CHD9: variants seen among roughly 807,000 people sequenced by gnomAD.
CHD9 encodes the protein ATP-dependent chromatin remodeler CHD9.
A neutral mutation model predicts 316.1 loss-of-function variants in CHD9; 77 were observed. The ratio of observed to expected loss-of-function variants is 0.24; its 90% CI spans 0.20 to 0.29. CHD9 has a LOEUF of 0.29. Ranked by LOEUF, CHD9 falls within the 10% of genes least tolerant of loss-of-function variation. The pLI is 1.00. For missense variants in CHD9, 2,763 were observed against 3,438.1 expected, an observed-to-expected ratio of 0.80 and a Z score of 4.91; for synonymous variants, 1,129 against 1,158.3, an observed-to-expected ratio of 0.97 and a Z score of 0.51.
At chr16:53,293,083 T>G in intron 29 of CHD9, 31 bp downstream of exon 29, 1 of 1,530,154 alleles carries the variant, frequency 6.5e-7, no homozygotes, top group Non-Finnish European at 8.9e-7. Context: ...TTTTAATGTA[T>G]TGTCTAAATG....
At chr16:53,274,915 C>T (rs1400128864) in intron 24 of CHD9, among the ~76,000 whole-genome samples, 1 of 152,116 alleles carries the variant, frequency 6.6e-6, no homozygotes, top group Non-Finnish European at 1.5e-5. Context: ...TTTTATTGCT[C>T]TCATCTTGGC....
chr16:53,179,604 A>G (rs1046671708), intron 2 of CHD9, among the ~76,000 whole-genome samples: 1 of 152,264 alleles, frequency 6.6e-6, no homozygotes, highest in African/African-American at 2.4e-5. Flanking sequence ...TTAAAAAATT[A>G]ATAATTAAGC....
intron 1 of CHD9, among the ~76,000 whole-genome samples, chr16:53,062,975 G>C (rs1310760838): frequency 5.3e-5 from 8 of 152,014 alleles, no homozygotes; most frequent in Non-Finnish European, 1.2e-4. Flanking sequence ...AGCCAAGATC[G>C]CGCCATTGCA....
In CHD9 at chr16:53,122,403, A is replaced by G. The variant is rs534839252; in HGVS notation, c.-164-33523A>G. Among the ~76,000 whole-genome samples, 9 of 152,332 alleles carry G rather than the reference A, an allele frequency of 5.9e-5. No individual in the cohort carries two copies. In the South Asian group the frequency reaches 1.9e-3, roughly 32 times the overall value. On this transcript the variant is annotated intron_variant, in intron 1 of 38. Transcript: ENST00000447540. The stretch of plus-strand genomic sequence containing the variant: ...CTACAACAATCTTCAAACTTTAAAA[A>G]TTATTTACTGCGGAACTAATTTTAT...
chr16:53,285,495 C>A, intron 24 of CHD9, 101 bp from the exon 25 acceptor site: 1 of 476,056 alleles, frequency 2.1e-6, no homozygotes, highest in Non-Finnish European at 3.7e-6. Context: ...ATCCTAAGCT[C>A]TCTCTTGAAA....
At chr16:53,206,696 C>T (rs2045922115) in intron 2 of CHD9, among the ~76,000 whole-genome samples, 1 of 152,130 alleles carries the variant, frequency 6.6e-6, no homozygotes, top group Non-Finnish European at 1.5e-5. Flanking sequence ...GTGCCTGGTA[C>T]ATAGTAAGCA....
At position 53,242,852 on chromosome 16, in the gene CHD9, C is replaced by G. The variant is rs769740984; in HGVS notation, c.2890C>G (p.Arg964Gly). 3 of 1,612,494 alleles carry G rather than the reference C, an allele frequency of 1.9e-6. No individual in the cohort carries two copies. The highest frequency in any genetic ancestry group is 2.2e-5 in the South Asian group (2 of 90,922). Residue 964 changes from arginine (R) to glycine (G), a missense_variant, in exon 13 of 39, where the codon CGA becomes GGA. This residue lies in a region of CHD9 where 186 missense variants were observed against 245.0 expected (regional missense o/e 0.76). Coordinates refer to ENST00000447540, the MANE Select transcript of CHD9 (RefSeq NM_001308319.2). ...TGATCATTTCTAGGGGCGTATCATT[C>G]GAGGAGCTTACAGATTCCAAGCCAT... ...YFRDSQGRII[R>G]GAYRFQAIIT...
chr16:53,119,005 T>A (rs1374774390), intron 1 of CHD9, among the ~76,000 whole-genome samples: 1 of 152,132 alleles, frequency 6.6e-6, no homozygotes, highest in East Asian at 1.9e-4. Flanking sequence ...TTGGCCAGGC[T>A]GGTCTCGAAC....
chr16:53,183,821 C>T (rs150573503), intron 2 of CHD9, among the ~76,000 whole-genome samples: 1 of 152,344 alleles, frequency 6.6e-6, no homozygotes, highest in Admixed American at 6.5e-5. Flanking sequence ...TGCTACTTAA[C>T]AGCCATGTAA....
intron 17 of CHD9, among the ~76,000 whole-genome samples, chr16:53,251,869 A>C (rs888662273): frequency 1.1e-4 from 16 of 152,070 alleles, no homozygotes; most frequent in African/African-American, 3.9e-4. Flanking sequence ...TTTTTCCCCC[A>C]AAAAATGACC....
intron 19 of CHD9, 108 bp from the exon 20 acceptor site, chr16:53,262,879 T>G: frequency 2.3e-6 from 2 of 862,130 alleles, no homozygotes; most frequent in Non-Finnish European, 3.8e-6. Flanking sequence ...CACCCTTTGA[T>G]GTATGAGTAT....
intron 1 of CHD9, among the ~76,000 whole-genome samples, chr16:53,081,719 C>T (rs2035031864): frequency 6.6e-6 from 1 of 151,998 alleles, no homozygotes; most frequent in African/African-American, 2.4e-5. Flanking sequence ...TCCCAAGTAG[C>T]TGGGACTACA....
rs1207618371 is a variant in CHD9, at chr16:53,245,640, T to G, written c.3244T>G (p.Leu1082Val). The part of the protein sequence containing the change: ...AILKPMMLRR[L>V]KEDVEKKLAP... Reference sequence around the variant, plus strand: ...CCTGAAACCAATGATGTTGAGACGATTAAAAGAAGATGTGGAAAAGAAGTT... The same window carrying G: ...CCTGAAACCAATGATGTTGAGACGAGTAAAAGAAGATGTGGAAAAGAAGTT... Residue 1082 changes from leucine to valine, a missense_variant, in exon 15 of 39, where the codon TTA (leucine) becomes GTA (valine). Coordinates refer to ENST00000447540, the MANE Select transcript of CHD9 (RefSeq NM_001308319.2). The surrounding 1 kb of genome is among the most constrained non-coding windows in gnomAD (Gnocchi z 4.1). 8.7e-6 allele frequency: 14 copies of G among 1,603,952 alleles called. No homozygotes were observed. The Admixed American group carries it at 2.4e-4, about 28-fold the overall frequency.
At chr16:53,135,385 G>A (rs2039638728) in intron 1 of CHD9, among the ~76,000 whole-genome samples, 1 of 152,174 alleles carries the variant, frequency 6.6e-6, no homozygotes, top group South Asian at 2.1e-4. Flanking sequence ...TTGGAGAAAG[G>A]CAAGGGTGAA....
At chr16:53,226,315 A>C in intron 4 of CHD9, 51 bp from the exon 5 acceptor site, 1 of 1,336,664 alleles carries the variant, frequency 7.5e-7, no homozygotes, top group South Asian at 1.5e-5. Context: ...ATTTTCAAAA[A>C]CTTTTCTTCA....
At chr16:53,314,669 A>G (rs956319475) in intron 35 of CHD9, among the ~76,000 whole-genome samples, 153 bp downstream of exon 35, 1 of 152,222 alleles carries the variant, frequency 6.6e-6, no homozygotes, top group African/African-American at 2.4e-5. Flanking sequence ...GAATCTTAGC[A>G]CTGTCCAAGA....
chr16:53,169,054 A>G (rs567238485), intron 2 of CHD9: 2 of 152,352 alleles, frequency 1.3e-5, no homozygotes, highest in South Asian at 2.1e-4. Context: ...TCTACTAAAA[A>G]TACAAAATTA....
chr16:53,271,490 A>C (rs942587772), intron 22 of CHD9, among the ~76,000 whole-genome samples: 1 of 151,774 alleles, frequency 6.6e-6, no homozygotes, highest in African/African-American at 2.4e-5. Flanking sequence ...AATCACTTGA[A>C]CCTGGGAGGC....
At chr16:53,170,605 G>C (rs1379376698) in intron 2 of CHD9, among the ~76,000 whole-genome samples, 1 of 151,820 alleles carries the variant, frequency 6.6e-6, no homozygotes, top group Non-Finnish European at 1.5e-5. Context: ...GTGTGTGTGT[G>C]TGTGTGTGTG....
Sources: gnomAD v4.1 joint callset for allele counts (sites outside exome capture counted in the v4.1 genomes callset) on GRCh38, gnomAD v4.1.1 for gene constraint, gnomAD v4.1.1 regional missense constraint, Gnocchi (gnomAD v3.1) non-coding constraint, MANE v1.5 for transcripts, NCBI Gene and HGNC (gene_info 2026-07-23, HGNC 2026-07-21) for gene names.